Variants in ZNF680 observed in about 807,000 individuals in gnomAD.
ZNF680 encodes the protein hypothetical protein FLJ90430.
ZNF680 carries 6 observed loss-of-function variants against 12.1 expected under a neutral mutation model. That is an observed-to-expected ratio of 0.49 (90% CI 0.27 to 0.98). The LOEUF (loss-of-function observed/expected upper bound fraction) is 0.98. Ranked by LOEUF, ZNF680 falls within the 50% of genes least tolerant of loss-of-function variation. The pLI is 0.12. For missense variants in ZNF680, 561 were observed against 616.3 expected, an observed-to-expected ratio of 0.91 and a Z score of 0.95; for synonymous variants, 170 against 199.3, an observed-to-expected ratio of 0.85 and a Z score of 1.24.
At chr7:64,501,703 A>G in the ZNF680 span, 1 of 1,060,586 alleles carries the variant, frequency 9.4e-7, no homozygotes, top group Non-Finnish European at 1.5e-6. Context: ...TGACAGAGAC[A>G]GCGCCAATGG....
chr7:64,557,282 C>T (rs559779541), intron 1 of ZNF680, among the ~76,000 whole-genome samples: 7 of 149,404 alleles, frequency 4.7e-5, no homozygotes, highest in South Asian at 2.1e-4. Context: ...TAAGGCCAGG[C>T]GCAGTGGTTC....
the ZNF680 span, among the ~76,000 whole-genome samples, chr7:64,501,997 C>CTTTTTTTTTTT: frequency 1.1e-4 from 12 of 104,520 alleles, no homozygotes; most frequent in African/African-American, 4.6e-4. Flanking sequence ...GGACGTATTT[C>CTTTTTTTTTTT]TTTTTTTTTT....
chr7:64,505,245 T>C, the ZNF680 span, among the ~76,000 whole-genome samples: 1 of 152,274 alleles, frequency 6.6e-6, no homozygotes, highest in Non-Finnish European at 1.5e-5. Context: ...AAATGTTTCA[T>C]CTAATTGTTA....
intron 2 of ZNF680, 46 bp from the exon 3 acceptor site, chr7:64,543,848 A>T: frequency 6.5e-7 from 1 of 1,535,688 alleles, no homozygotes; most frequent in Non-Finnish European, 9.0e-7. Flanking sequence ...CATATTCTCC[A>T]ATTACCAAAC....
chr7:64,514,765 T>G, the ZNF680 span, among the ~76,000 whole-genome samples: 1 of 152,170 alleles, frequency 6.6e-6, no homozygotes, highest in Non-Finnish European at 1.5e-5. Context: ...TAATCTTGGC[T>G]GGGTGTGGTG....
the ZNF680 span, chr7:64,500,930 A>G: frequency 9.6e-6 from 6 of 626,624 alleles, no homozygotes; most frequent in African/African-American, 5.5e-5. Flanking sequence ...TGTGGAGGCA[A>G]TCTTTTCGAT....
the ZNF680 span, among the ~76,000 whole-genome samples, chr7:64,499,611 A>T: frequency 6.6e-6 from 1 of 152,030 alleles, no homozygotes; most frequent in Non-Finnish European, 1.5e-5. Context: ...CAAAAAATTA[A>T]CCGGGTGTGG....
chr7:64,502,655 C>T, the ZNF680 span, among the ~76,000 whole-genome samples: 1 of 152,098 alleles, frequency 6.6e-6, no homozygotes, highest in African/African-American at 2.4e-5. Flanking sequence ...CTATTTTTCT[C>T]AAAATAAACA....
chr7:64,538,986 C>G (rs940746395), intron 3 of ZNF680, among the ~76,000 whole-genome samples: 2 of 151,790 alleles, frequency 1.3e-5, no homozygotes, highest in African/African-American at 4.8e-5. Context: ...CAAAATTTAG[C>G]CAGGTGTGGT....
chr7:64,518,733 G>A (rs7802768), downstream of ZNF680, among the ~76,000 whole-genome samples: 34,274 of 151,756 alleles, frequency 0.23, 4,054 homozygotes, highest in South Asian at 0.28. Context: ...ACAAAAACAT[G>A]AAGTGGGGAA....
chr7:64,514,556 A>T, the ZNF680 span, among the ~76,000 whole-genome samples: 1 of 151,880 alleles, frequency 6.6e-6, no homozygotes, highest in Non-Finnish European at 1.5e-5. Flanking sequence ...AGCTCATAAT[A>T]AAAAAATTCT....
At chr7:64,502,405 C>T in the ZNF680 span, among the ~76,000 whole-genome samples, 1 of 152,130 alleles carries the variant, frequency 6.6e-6, no homozygotes, top group Non-Finnish European at 1.5e-5. Flanking sequence ...GCCTCCCTAA[C>T]TGCAAAAGCA....
intron 1 of ZNF680, among the ~76,000 whole-genome samples, chr7:64,558,711 T>C (rs1426371616): frequency 6.6e-6 from 1 of 152,018 alleles, no homozygotes; most frequent in Non-Finnish European, 1.5e-5. Context: ...TAATAAAAAT[T>C]TGAATTCCAA....
chr7:64,512,408 G>A, the ZNF680 span, among the ~76,000 whole-genome samples: 3 of 142,232 alleles, frequency 2.1e-5, no homozygotes, highest in Admixed American at 7.4e-5. Flanking sequence ...AGCCAAGATC[G>A]CACCATTGCA....
At chr7:64,529,580 C>T (rs551660835) in intron 3 of ZNF680, among the ~76,000 whole-genome samples, 7 of 151,786 alleles carry the variant, frequency 4.6e-5, no homozygotes, top group African/African-American at 1.7e-4. Context: ...TCAAATTAAC[C>T]CAATCCAACA....
intron 3 of ZNF680, chr7:64,525,789 A>G: frequency 1.0e-6 from 1 of 975,884 alleles, no homozygotes; most frequent in South Asian, 4.7e-5. Context: ...AGATCCATGA[A>G]TAAATAGATG....
At chr7:64,531,431 T>C (rs1412391376) in intron 3 of ZNF680, among the ~76,000 whole-genome samples, 2 of 151,458 alleles carry the variant, frequency 1.3e-5, no homozygotes, top group Non-Finnish European at 1.5e-5. Context: ...CCGTCCCTAC[T>C]AAAAAATACA....
chr7:64,557,765 T>A (rs1458550708), intron 1 of ZNF680, among the ~76,000 whole-genome samples: 1 of 152,124 alleles, frequency 6.6e-6, no homozygotes, highest in East Asian at 1.9e-4. Context: ...TGCATGCACC[T>A]GTAGTTCCAG....
chr7:64,514,583 TAATA>T, the ZNF680 span, among the ~76,000 whole-genome samples: 1 of 152,018 alleles, frequency 6.6e-6, no homozygotes, highest in Non-Finnish European at 1.5e-5. Context: ...ATAAAACTCA[TAATA>T]AAAACTCATA....
Sources: allele counts gnomAD v4.1 joint callset (sites outside exome capture counted in the v4.1 genomes callset), GRCh38; gene constraint gnomAD v4.1.1; transcripts MANE v1.5; gene names NCBI Gene and HGNC (gene_info 2026-07-23, HGNC 2026-07-21).